The following GALNT17 variants were observed in gnomAD, a reference collection of about 807,000 sequenced individuals.
The protein encoded by GALNT17 is UDP-GalNAc:polypeptide N-acetylgalactosaminyltransferase-like 3.
In GALNT17, 29 loss-of-function variants were observed where a neutral mutation model predicts 63.7. That is an observed-to-expected ratio of 0.46 (90% CI 0.34 to 0.62). GALNT17 has a LOEUF of 0.62. Ranked by LOEUF, GALNT17 falls within the 20% of genes least tolerant of loss-of-function variation. GALNT17 has a pLI of 0.01. For missense variants in GALNT17, 603 were observed against 799.6 expected, an observed-to-expected ratio of 0.75 and a Z score of 2.97; for synonymous variants, 305 against 318.3, an observed-to-expected ratio of 0.96 and a Z score of 0.45.
At chr7:71,227,834 A>G (rs1789709765) in intron 1 of GALNT17, among the ~76,000 whole-genome samples, 1 of 152,114 alleles carries the variant, frequency 6.6e-6, no homozygotes, top group South Asian at 2.1e-4. Context: ...CGAGTCTGAG[A>G]GAGAGTCCTG....
chr7:71,377,114 A>AATATAT lies in GALNT17; in HGVS notation c.423-11099_423-11094dup, dbSNP rs1554362119. 6.3e-3 allele frequency among the ~76,000 whole-genome samples: 360 copies of AATATAT among 57,364 alleles called. 38 individuals carry two copies. The highest frequency in any genetic ancestry group is 7.9e-3 in the Non-Finnish European group (263 of 33,210). 37.6% of individuals were successfully genotyped at this position (57,364 alleles called of 152,430 possible). A position where few individuals can be genotyped will look rare whatever the true frequency, so the allele number is the denominator to read the frequency against. ...AAAAAAAAAAAATAAAAATAAAAAA[A>AATATAT]ATATATATATATATATATATATATA... On this transcript the variant is annotated intron_variant, in intron 2 of 10. Coordinates refer to ENST00000333538, the MANE Select transcript of GALNT17 (RefSeq NM_022479.3).
intron 3 of GALNT17, among the ~76,000 whole-genome samples, chr7:71,388,657 G>C (rs1402432705): frequency 2.6e-5 from 4 of 151,932 alleles, no homozygotes; most frequent in African/African-American, 9.7e-5. Flanking sequence ...CTCCCGAGTA[G>C]CTGGGATTAC....
chr7:71,298,345 A>G (rs369001064), intron 1 of GALNT17, among the ~76,000 whole-genome samples: 1 of 148,942 alleles, frequency 6.7e-6, no homozygotes, highest in South Asian at 2.2e-4. Flanking sequence ...TGTAAATTAT[A>G]TATCAATAAA....
At chr7:71,400,414 A>G (rs1793219726) in intron 3 of GALNT17, among the ~76,000 whole-genome samples, 1 of 152,148 alleles carries the variant, frequency 6.6e-6, no homozygotes. Flanking sequence ...ATCACTTTGC[A>G]GGCATTTCTC....
chr7:71,556,526 G>T (rs1227047172), intron 5 of GALNT17, among the ~76,000 whole-genome samples: 1 of 152,100 alleles, frequency 6.6e-6, no homozygotes, highest in Non-Finnish European at 1.5e-5. Flanking sequence ...CCTGCATTTT[G>T]TCTGCTAAAC....
At chr7:71,617,616 T>TTTTGTTTG (rs199901403) in intron 6 of GALNT17, among the ~76,000 whole-genome samples, 25 of 146,614 alleles carry the variant, frequency 1.7e-4, no homozygotes, top group African/African-American at 5.6e-4. Flanking sequence ...AACTGGCTGC[T>TTTTGTTTG]TTTGTTTGTT....
chr7:71,380,655 A>G, intron 2 of GALNT17, among the ~76,000 whole-genome samples: 1 of 152,214 alleles, frequency 6.6e-6, no homozygotes, highest in South Asian at 2.1e-4. Context: ...AGTTGAGTAG[A>G]AAAGGTTGGC....
intron 1 of GALNT17, among the ~76,000 whole-genome samples, chr7:71,144,185 C>G (rs1787970846): frequency 6.6e-6 from 1 of 152,126 alleles, no homozygotes; most frequent in Admixed American, 6.5e-5. Flanking sequence ...GTTTCTAGCT[C>G]CCTGTGCTCC....
At chr7:71,617,020 C>G (rs1399256457) in intron 6 of GALNT17, among the ~76,000 whole-genome samples, 1 of 108,104 alleles carries the variant, frequency 9.3e-6, no homozygotes, top group Non-Finnish European at 2.0e-5. Flanking sequence ...ACATTAAATA[C>G]TATTAACTAT....
At chr7:71,143,564 AG>A (rs1787957663) in intron 1 of GALNT17, among the ~76,000 whole-genome samples, 1 of 151,986 alleles carries the variant, frequency 6.6e-6, no homozygotes, top group South Asian at 2.1e-4. Context: ...TCCTTGGTGA[AG>A]GGGAGTTTGT....
At chr7:71,345,515 G>C (rs375081637) in intron 2 of GALNT17, among the ~76,000 whole-genome samples, 1 of 152,158 alleles carries the variant, frequency 6.6e-6, no homozygotes, top group African/African-American at 2.4e-5. Context: ...CTTTGGATGC[G>C]GCTGGCATGA....
rs1443931989 is a variant in GALNT17, at chr7:71,222,178, A to G, written c.238+89138A>G. On this transcript the variant is annotated intron_variant, in intron 1 of 10. Transcript: ENST00000333538. ...AGCCTCAGCCTTCCAAGGTGCTGGGATTATAGGTGTGAGCCACCACTGCTG... is the reference window on the plus strand; with the variant it reads ...AGCCTCAGCCTTCCAAGGTGCTGGGGTTATAGGTGTGAGCCACCACTGCTG... Among the ~76,000 whole-genome samples the G allele has an allele frequency of 2.6e-5, 4 of 151,964 alleles. No homozygotes were observed. In the East Asian group the frequency reaches 5.8e-4, roughly 22 times the overall value.
chr7:71,201,171 T>C (rs1041896751), intron 1 of GALNT17, among the ~76,000 whole-genome samples: 27 of 150,826 alleles, frequency 1.8e-4, no homozygotes, highest in African/African-American at 6.1e-4. Context: ...GAGTTCTGTT[T>C]ATGTGTTCGT....
At chr7:71,226,076 CTAT>C in intron 1 of GALNT17, among the ~76,000 whole-genome samples, 1 of 152,078 alleles carries the variant, frequency 6.6e-6, no homozygotes, top group African/African-American at 2.4e-5. Flanking sequence ...TAGATCAAAG[CTAT>C]ATGGTTTATG....
At chr7:71,341,713 A>G (rs1362396010) in intron 2 of GALNT17, among the ~76,000 whole-genome samples, 1 of 152,216 alleles carries the variant, frequency 6.6e-6, no homozygotes, top group East Asian at 1.9e-4. Flanking sequence ...AGCAAATGCA[A>G]AGTAAACCCA....
chr7:71,432,299 A>C (rs1188556737), intron 5 of GALNT17, among the ~76,000 whole-genome samples: 1 of 151,928 alleles, frequency 6.6e-6, no homozygotes, highest in Non-Finnish European at 1.5e-5. Context: ...GCACATAACA[A>C]CTCATTTCAA....
chr7:71,152,569 G>A (rs1443685276), intron 1 of GALNT17, among the ~76,000 whole-genome samples: 2 of 152,034 alleles, frequency 1.3e-5, no homozygotes, highest in East Asian at 3.9e-4. Context: ...GCAGCCCCGG[G>A]GGATCCTGAT....
chr7:71,700,895 C>G (rs1478982071), intron 9 of GALNT17, among the ~76,000 whole-genome samples: 3 of 152,212 alleles, frequency 2.0e-5, no homozygotes, highest in Non-Finnish European at 4.4e-5. Context: ...AAAGCAAGCA[C>G]TGTGTCATTC....
At chr7:71,424,567 G>A (rs576644486) in intron 5 of GALNT17, among the ~76,000 whole-genome samples, 1 of 152,318 alleles carries the variant, frequency 6.6e-6, no homozygotes, top group South Asian at 2.1e-4. Context: ...GTAGAGTCAT[G>A]ATCATGAGTC....
Sources: gnomAD v4.1 joint callset for allele counts (sites outside exome capture counted in the v4.1 genomes callset) on GRCh38, gnomAD v4.1.1 for gene constraint, MANE v1.5 for transcripts, NCBI Gene and HGNC (gene_info 2026-07-23, HGNC 2026-07-21) for gene names.